The following NPIPB2 variants were observed in gnomAD, a reference collection of about 807,000 sequenced individuals.
NPIPB2 encodes the protein nuclear pore complex-interacting protein family member B2.
A neutral mutation model predicts 30.8 loss-of-function variants in NPIPB2; 27 were observed. The observed-to-expected ratio is 0.88, with a 90% confidence interval of 0.65 to 1.21. The LOEUF (loss-of-function observed/expected upper bound fraction) is 1.21, where lower values mean the gene tolerates loss of function less well. Ranked by LOEUF, NPIPB2 falls within the 50% of genes most tolerant of loss-of-function variation. The pLI, the probability that NPIPB2 is intolerant of heterozygous loss-of-function variation, is 0.00. For missense variants in NPIPB2, 440 were observed against 446.2 expected, an observed-to-expected ratio of 0.99 and a Z score of 0.13; for synonymous variants, 147 against 162.0, an observed-to-expected ratio of 0.91 and a Z score of 0.70.
intron 1 of NPIPB2, among the ~76,000 whole-genome samples, chr16:11,969,534 C>T (rs915826898): frequency 2.0e-5 from 3 of 152,168 alleles, no homozygotes; most frequent in Non-Finnish European, 4.4e-5. Context: ...GGATTACAGG[C>T]GTGAGCCACT....
In NPIPB2 at chr16:11,976,495, A is replaced by C. The variant is rs181180766; in HGVS notation, c.-584+73T>G. 673 of 325,636 alleles carry C rather than the reference A, an allele frequency of 2.1e-3. 5 individuals are homozygous for C. Among genetic ancestry groups the C allele is most frequent in the African/African-American group, 0.013 (614 of 46,416 alleles). 20.2% of individuals were successfully genotyped at this position (325,636 alleles called of 1,614,324 possible). On this transcript the variant is annotated intron_variant, in intron 1 of 5. Transcript: ENST00000538896. ...CGAAGTCGCCCCATCACTCGTGGGA[A>C]CCTCAGGAAGGCAGGGGAGGCGTCT...
exon 4 of NPIPB2, chr16:11,933,628 A>G: frequency 6.3e-7 from 1 of 1,597,018 alleles, no homozygotes; most frequent in Non-Finnish European, 8.5e-7. Flanking sequence ...ATGTCTCCGT[A>G]GAGTAATGAC....
At chr16:11,951,571 A>G (rs895465440) in intron 1 of NPIPB2, among the ~76,000 whole-genome samples, 1 of 149,888 alleles carries the variant, frequency 6.7e-6, no homozygotes, top group Non-Finnish European at 1.5e-5. Flanking sequence ...TCAATACAGA[A>G]CCAGGAATGT....
rs1003746579 is a variant in NPIPB2 at position 11,965,389 on chromosome 16, T to C, written c.-584+11179A>G. The stretch of plus-strand genomic sequence containing the variant: ...TTTGACAGTTTGTTGCATGCTTGCA[T>C]ACCTTGTCAACTTCGATGTTCTTCT... On this transcript the variant is annotated intron_variant, in intron 1 of 5. Transcript: ENST00000538896. 11 of 1,614,240 alleles carry C rather than the reference T, an allele frequency of 6.8e-6. No individual in the cohort carries two copies. The highest frequency in any genetic ancestry group is 7.6e-6 in the Non-Finnish European group (9 of 1,180,026).
At chr16:11,952,306 C>G (rs940820260) in intron 1 of NPIPB2, among the ~76,000 whole-genome samples, 3 of 151,766 alleles carry the variant, frequency 2.0e-5, no homozygotes, top group African/African-American at 7.3e-5. Context: ...AGAGATCGCG[C>G]CACTGCACTC....
At chr16:11,953,302 C>T (rs1474173006) in intron 1 of NPIPB2, among the ~76,000 whole-genome samples, 3 of 151,646 alleles carry the variant, frequency 2.0e-5, no homozygotes, top group African/African-American at 4.8e-5. Context: ...CCTGCCACCA[C>T]GCCCGGCTAA....
chr16:11,958,177 A>G (rs903583182), intron 1 of NPIPB2, among the ~76,000 whole-genome samples: 1 of 152,018 alleles, frequency 6.6e-6, no homozygotes, highest in Non-Finnish European at 1.5e-5. Flanking sequence ...TGTAATTCCA[A>G]CACTTTGGGA....
At chr16:11,934,260 A>ACACACAC (rs1567465726) in intron 2 of NPIPB2, among the ~76,000 whole-genome samples, 6 of 137,634 alleles carry the variant, frequency 4.4e-5, no homozygotes, top group Non-Finnish European at 8.1e-5. Context: ...ACACACACAT[A>ACACACAC]AGAATGACAT....
At chr16:11,973,466 G>A (rs1399846546) in intron 1 of NPIPB2, among the ~76,000 whole-genome samples, 2 of 152,218 alleles carry the variant, frequency 1.3e-5, no homozygotes, top group African/African-American at 2.4e-5. Context: ...AGAAAAGGCA[G>A]ATAAACTGGA....
intron 1 of NPIPB2, 56 bp from the exon 2 acceptor site, chr16:11,937,724 C>G: frequency 6.3e-7 from 1 of 1,584,518 alleles, no homozygotes; most frequent in Non-Finnish European, 8.6e-7. Flanking sequence ...CAATATTTCA[C>G]TCAGAAAGAA....
At chr16:11,951,680 C>A (rs57171695) in intron 1 of NPIPB2, among the ~76,000 whole-genome samples, 28,886 of 136,470 alleles carry the variant, frequency 0.21, 5,503 homozygotes, top group African/African-American at 0.53. Context: ...AGCCCCCAAA[C>A]AACAAAATTC....
At chr16:11,969,502 G>A (rs188537737) in intron 1 of NPIPB2, among the ~76,000 whole-genome samples, 1 of 152,312 alleles carries the variant, frequency 6.6e-6, no homozygotes, top group Admixed American at 6.5e-5. Context: ...TGATCCACCT[G>A]TCTTGGCCTC....
intron 1 of NPIPB2, among the ~76,000 whole-genome samples, chr16:11,957,773 G>A (rs2055123180): frequency 6.6e-6 from 1 of 152,120 alleles, no homozygotes; most frequent in Non-Finnish European, 1.5e-5. Flanking sequence ...TTGCCCTGTG[G>A]ATTTCAAACT....
At chr16:11,956,270 C>T (rs569552273) in intron 1 of NPIPB2, 1 of 152,216 alleles carries the variant, frequency 6.6e-6, no homozygotes, top group South Asian at 2.1e-4. Flanking sequence ...TTGAACCTGG[C>T]TCTGTGGGCT....
At chr16:11,961,872 C>G (rs1397628667) in intron 1 of NPIPB2, among the ~76,000 whole-genome samples, 1 of 151,240 alleles carries the variant, frequency 6.6e-6, no homozygotes, top group Admixed American at 6.6e-5. Context: ...TCTGAATAGA[C>G]AGACATAAAC....
chr16:11,965,376 T>C (rs2055185185), intron 1 of NPIPB2: 1 of 1,614,118 alleles, frequency 6.2e-7, no homozygotes, highest in African/African-American at 1.3e-5. Context: ...TGACAGTTTG[T>C]TGCATGCTTG....
At chr16:11,941,296 C>A (rs1279175525) in intron 1 of NPIPB2, 2 of 1,314,178 alleles carry the variant, frequency 1.5e-6, no homozygotes, top group Admixed American at 4.6e-5. Context: ...GTGGAGGTGG[C>A]TTAGGGCAGG....
intron 1 of NPIPB2, among the ~76,000 whole-genome samples, chr16:11,973,070 G>C (rs776959742): frequency 8.1e-5 from 12 of 148,532 alleles, no homozygotes; most frequent in Non-Finnish European, 1.6e-4. Flanking sequence ...TGAGGCAGGA[G>C]ACTCGCTTGA....
upstream of NPIPB2, among the ~76,000 whole-genome samples, chr16:11,945,862 C>G (rs553345943): frequency 9.6e-4 from 145 of 151,458 alleles, no homozygotes; most frequent in Non-Finnish European, 1.7e-3. Context: ...AAGCATTATT[C>G]TTTCTGTCTG....
Sources: allele counts gnomAD v4.1 joint callset (sites outside exome capture counted in the v4.1 genomes callset), GRCh38; gene constraint gnomAD v4.1.1; transcripts MANE v1.5; gene names NCBI Gene and HGNC (gene_info 2026-07-23, HGNC 2026-07-21).